The following CADM2 variants were observed in gnomAD, a reference collection of about 807,000 sequenced individuals.
CADM2 encodes the protein cell adhesion molecule 2, also known as immunoglobulin superfamily member 4D.
CADM2 carries 12 observed loss-of-function variants against 49.8 expected under a neutral mutation model. The ratio of observed to expected loss-of-function variants is 0.24; its 90% CI spans 0.15 to 0.39. The LOEUF (loss-of-function observed/expected upper bound fraction) is 0.39. CADM2 is among the 10% of genes least tolerant of loss of function. The pLI, the probability that CADM2 is intolerant of heterozygous loss-of-function variation, is 1.00. For synonymous variants in CADM2, 214 were observed against 175.4 expected (o/e 1.22, Z -1.74); for missense variants, 378 against 492.3 (o/e 0.77, Z 2.20).
At chr3:85,218,522 G>A (rs1251226846) in intron 1 of CADM2, among the ~76,000 whole-genome samples, 1 of 152,142 alleles carries the variant, frequency 6.6e-6, no homozygotes, top group Admixed American at 6.6e-5. Context: ...GGGAGGTAAA[G>A]TGTACAGGCT....
chr3:85,998,075 A>G (rs1729651903), intron 8 of CADM2, among the ~76,000 whole-genome samples: 1 of 152,150 alleles, frequency 6.6e-6, no homozygotes. Flanking sequence ...GGAAGAGGGT[A>G]TTTAAGAGAG....
At chr3:85,126,037 A>G (rs1337733587) in intron 1 of CADM2, among the ~76,000 whole-genome samples, 1 of 152,192 alleles carries the variant, frequency 6.6e-6, no homozygotes, top group African/African-American at 2.4e-5. Context: ...CTATGATATC[A>G]TATATACATT....
chr3:85,789,533 G>C (rs963307758), intron 2 of CADM2, among the ~76,000 whole-genome samples: 14 of 151,826 alleles, frequency 9.2e-5, no homozygotes, highest in African/African-American at 3.1e-4. Flanking sequence ...CATTTGCTTT[G>C]GATTCTTTCA....
chr3:85,427,182 A>ATTATATATATATATATATATAT (rs1553722019), intron 1 of CADM2, among the ~76,000 whole-genome samples: 7 of 80,758 alleles, frequency 8.7e-5, no homozygotes, highest in African/African-American at 2.2e-4. Flanking sequence ...ATATATATAT[A>ATTATATATATATATATATATAT]TATATATATA....
At chr3:85,789,716 GATAAATTA>G (rs2071214100) in intron 2 of CADM2, among the ~76,000 whole-genome samples, 1 of 151,994 alleles carries the variant, frequency 6.6e-6, no homozygotes, top group African/African-American at 2.4e-5. Flanking sequence ...ATTAAATATG[GATAAATTA>G]ATAAAAACAA....
chr3:85,307,779 G>T (rs1309248873), intron 1 of CADM2, among the ~76,000 whole-genome samples: 2 of 151,506 alleles, frequency 1.3e-5, no homozygotes, highest in Non-Finnish European at 3.0e-5. Flanking sequence ...TTCAAAAAAT[G>T]CTGATTATTG....
At chr3:86,018,127 GT>G (rs1732569035) in intron 8 of CADM2, among the ~76,000 whole-genome samples, 1 of 125,806 alleles carries the variant, frequency 7.9e-6, no homozygotes, top group African/African-American at 3.0e-5. Context: ...AATATGCGGT[GT>G]TTGGTTTTTT....
intron 1 of CADM2, among the ~76,000 whole-genome samples, chr3:85,585,288 A>C (rs2062909714): frequency 6.6e-6 from 1 of 151,958 alleles, no homozygotes; most frequent in South Asian, 2.1e-4. Flanking sequence ...CAGTGGATCC[A>C]AAGTGCAAAA....
chr3:85,844,130 C>T (rs3911061), intron 3 of CADM2, among the ~76,000 whole-genome samples: 106,862 of 151,898 alleles, frequency 0.7, 39,123 homozygotes, highest in African/African-American at 0.92. Context: ...ATCTTCCTTA[C>T]AGAGTTCTTG....
intron 8 of CADM2, among the ~76,000 whole-genome samples, chr3:86,020,533 A>G (rs1371245011): frequency 6.6e-6 from 1 of 151,434 alleles, no homozygotes; most frequent in Non-Finnish European, 1.5e-5. Flanking sequence ...AGACACAACA[A>G]AAAAAGAGAA....
chr3:85,220,983 T>C (rs921401074), intron 1 of CADM2, among the ~76,000 whole-genome samples: 2 of 152,156 alleles, frequency 1.3e-5, no homozygotes, highest in Non-Finnish European at 2.9e-5. Context: ...GCTTTGTCAT[T>C]GTTAGATGTC....
At chr3:85,495,090 G>A (rs2039833473) in intron 1 of CADM2, among the ~76,000 whole-genome samples, 1 of 152,130 alleles carries the variant, frequency 6.6e-6, no homozygotes, top group Non-Finnish European at 1.5e-5. Context: ...TCGCAATCAG[G>A]TAAATCTGCA....
chr3:85,117,138 T>G (rs2107582043), intron 1 of CADM2, among the ~76,000 whole-genome samples: 1 of 152,222 alleles, frequency 6.6e-6, no homozygotes, highest in Admixed American at 6.5e-5. Flanking sequence ...GGAAGATTAC[T>G]TGAACCCGGG....
chr3:85,411,910 CTCTGCCTCCCAGGTTCAAGCTATCCT>C (rs1407108555), intron 1 of CADM2, among the ~76,000 whole-genome samples: 1 of 152,114 alleles, frequency 6.6e-6, no homozygotes, highest in African/African-American at 2.4e-5. Context: ...TCACTGCAAC[CTCTGCCTCCCAGGTTCAAGCTATCCT>C]TCTGCCTCAA....
intron 1 of CADM2, among the ~76,000 whole-genome samples, chr3:85,618,880 A>T (rs190139890): frequency 1.3e-5 from 2 of 152,180 alleles, no homozygotes; most frequent in Admixed American, 6.5e-5. Context: ...AATTTAAATA[A>T]TTATTTTTCT....
intron 1 of CADM2, among the ~76,000 whole-genome samples, chr3:85,159,352 A>G: frequency 7.3e-6 from 1 of 136,580 alleles, no homozygotes; most frequent in East Asian, 1.9e-4. Context: ...CATCTTCCCC[A>G]GGAGTTCTGG....
At chr3:85,403,501 G>C (rs191665311) in intron 1 of CADM2, among the ~76,000 whole-genome samples, 164 of 152,214 alleles carry the variant, frequency 1.1e-3, no homozygotes, top group African/African-American at 3.9e-3. Context: ...TTGGTCTTCA[G>C]AGTCAGTGAT....
chr3:85,871,157 A>T (rs903348484), intron 3 of CADM2, among the ~76,000 whole-genome samples: 16 of 152,342 alleles, frequency 1.1e-4, no homozygotes, highest in Admixed American at 1.0e-3. Flanking sequence ...AAGGTCTAAT[A>T]TCCAGCAACT....
At chr3:85,681,723 C>T (rs1396839942) in intron 1 of CADM2, among the ~76,000 whole-genome samples, 3 of 152,086 alleles carry the variant, frequency 2.0e-5, no homozygotes, top group Non-Finnish European at 4.4e-5. Flanking sequence ...CATTTTATTC[C>T]TATTAACCCA....
Sources: allele counts gnomAD v4.1 joint callset (sites outside exome capture counted in the v4.1 genomes callset), GRCh38; gene constraint gnomAD v4.1.1; transcripts MANE v1.5; gene names NCBI Gene and HGNC (gene_info 2026-07-23, HGNC 2026-07-21).